The following MMP26 variants were observed in gnomAD, a reference collection of about 807,000 sequenced individuals.
The protein encoded by MMP26 is matrix metalloproteinase-26.
Under a neutral mutation model 31.0 loss-of-function variants are expected in MMP26, and 33 were observed. The ratio of observed to expected loss-of-function variants is 1.06; its 90% CI spans 0.81 to 1.42. The LOEUF is 1.42. MMP26 is among the 40% of genes most tolerant of loss of function. The pLI is 0.00. For synonymous variants in MMP26, 122 were observed against 114.9 expected (o/e 1.06, Z -0.40); for missense variants, 347 against 316.1 (o/e 1.10, Z -0.74).
At chr11:4,826,911 A>T (rs71480730) in intron 2 of MMP26, among the ~76,000 whole-genome samples, 15,950 of 152,154 alleles carry the variant, frequency 0.1, 1,023 homozygotes, top group Middle Eastern at 0.17. Context: ...AGAAACAGTT[A>T]ATCCATTGGA....
intron 2 of MMP26, among the ~76,000 whole-genome samples, chr11:4,935,535 G>C (rs1413926830): frequency 5.9e-5 from 9 of 151,618 alleles, no homozygotes; most frequent in Non-Finnish European, 8.8e-5. Context: ...GGGACAATTT[G>C]ACTTCCTCTT....
intron 2 of MMP26, among the ~76,000 whole-genome samples, chr11:4,916,360 C>A: frequency 6.6e-6 from 1 of 151,096 alleles, no homozygotes; most frequent in Non-Finnish European, 1.5e-5. Context: ...CCTCTTGGCC[C>A]TATTTAACTT....
chr11:4,786,493 CTTTTTTTTTTTTTTTT>C (rs66987352), intron 2 of MMP26, among the ~76,000 whole-genome samples: 3 of 60,352 alleles, frequency 5.0e-5, no homozygotes, highest in African/African-American at 6.8e-5. Context: ...TCTGCTGATC[CTTTTTTTTTTTTTTTT>C]TTTTTTTTTT....
rs138835542 is a variant in MMP26, at chr11:4,881,769, CT to C, written c.-144-106296del. 1.4e-4 allele frequency: 118 copies of C among 860,154 alleles called. No individual in the cohort carries two copies. The East Asian group carries it at 3.0e-3, about 22-fold the overall frequency. The allele number at this position is 860,154 out of a possible 1,614,324, so 53.3% of individuals were successfully genotyped here. The stretch of plus-strand genomic sequence containing the variant: ...TAACCTTCCTGGGTCCATTTCCTTT[CT>C]TTAAAACAGAAGAAAAATAACTACC... On this transcript the variant is annotated intron_variant, in intron 2 of 7. Coordinates refer to ENST00000380390, the MANE Select transcript of MMP26 (RefSeq NM_021801.5).
At chr11:4,849,272 G>C in intron 2 of MMP26, 1 of 1,523,566 alleles carries the variant, frequency 6.6e-7, no homozygotes, top group Non-Finnish European at 8.8e-7. Flanking sequence ...ACTTAATCGC[G>C]TGCCAAATTT....
At chr11:4,840,995 T>A (rs1849785891) in intron 2 of MMP26, among the ~76,000 whole-genome samples, 1 of 152,148 alleles carries the variant, frequency 6.6e-6, no homozygotes, top group Admixed American at 6.5e-5. Context: ...GCAGAAATTC[T>A]GGGGCTGAAA....
chr11:4,987,996 G>C (rs1846930907), intron 2 of MMP26, 72 bp from the exon 3 acceptor site: 1 of 598,910 alleles, frequency 1.7e-6, no homozygotes, highest in Non-Finnish European at 3.0e-6. Flanking sequence ...CATCAGGTGT[G>C]AACTGAGCTT....
At chr11:4,714,913 C>T (rs1280946664) in intron 1 of MMP26, among the ~76,000 whole-genome samples, 1 of 133,466 alleles carries the variant, frequency 7.5e-6, no homozygotes, top group African/African-American at 3.1e-5. Context: ...CTCTCTCTCT[C>T]TCTCTCTCAC....
intron 2 of MMP26, among the ~76,000 whole-genome samples, chr11:4,983,056 A>T (rs1365503838): frequency 6.6e-6 from 1 of 152,204 alleles, no homozygotes; most frequent in Non-Finnish European, 1.5e-5. Flanking sequence ...ACGGTAAACT[A>T]ACTTAAAGCA....
chr11:4,882,587 A>G (rs568723296), intron 2 of MMP26: 1 of 1,613,894 alleles, frequency 6.2e-7, no homozygotes, highest in African/African-American at 1.3e-5. Flanking sequence ...TGTTCTGGGC[A>G]TTGTGGCCCG....
At chr11:4,960,372 AG>A (rs151213801) in intron 2 of MMP26, among the ~76,000 whole-genome samples, 1,612 of 151,986 alleles carry the variant, frequency 0.011, 26 homozygotes, top group African/African-American at 0.034. Flanking sequence ...GTCTTAAGAA[AG>A]GTCATGATGC....
At chr11:4,820,569 T>G (rs1849481442) in intron 2 of MMP26, among the ~76,000 whole-genome samples, 1 of 151,810 alleles carries the variant, frequency 6.6e-6, no homozygotes, top group Admixed American at 6.6e-5. Context: ...CTCTTGCACT[T>G]TCCTCCTCTT....
chr11:4,707,277 A>T (rs1847792829), intron 1 of MMP26, among the ~76,000 whole-genome samples: 1 of 152,150 alleles, frequency 6.6e-6, no homozygotes, highest in Non-Finnish European at 1.5e-5. Context: ...CATTTATGTG[A>T]TTAGTAATGT....
chr11:4,882,922 A>G, intron 2 of MMP26: 2 of 1,539,386 alleles, frequency 1.3e-6, no homozygotes, highest in Non-Finnish European at 1.8e-6. Context: ...TGCTTTGGAA[A>G]GAAAGGGACT....
At chr11:4,723,726 C>A in intron 1 of MMP26, 2 of 1,163,440 alleles carry the variant, frequency 1.7e-6, no homozygotes, top group South Asian at 2.4e-5. Flanking sequence ...TGTCCAGTTG[C>A]CGCCTAAGGT....
At chr11:4,875,004 A>T (rs939366654) in intron 2 of MMP26, among the ~76,000 whole-genome samples, 1 of 152,116 alleles carries the variant, frequency 6.6e-6, no homozygotes, top group Non-Finnish European at 1.5e-5. Context: ...CAGGAAAAAA[A>T]GTCAAGATGA....
At chr11:4,914,862 G>T (rs201238790) in intron 2 of MMP26, 18 of 1,613,980 alleles carry the variant, frequency 1.1e-5, no homozygotes, top group East Asian at 4.5e-5. Flanking sequence ...TTTCCAAAGC[G>T]ATGGATGACA....
intron 2 of MMP26, among the ~76,000 whole-genome samples, chr11:4,788,350 A>T (rs1848976997): frequency 6.6e-6 from 1 of 151,874 alleles, no homozygotes. Flanking sequence ...GTGACATGAG[A>T]ACCGTAGATT....
chr11:4,907,638 T>A (rs764752786), intron 2 of MMP26: 2 of 1,614,054 alleles, frequency 1.2e-6, no homozygotes, highest in South Asian at 2.2e-5. Context: ...TTCAATGCCA[T>A]GGGAATTTCA....
Sources: allele counts gnomAD v4.1 joint callset (sites outside exome capture counted in the v4.1 genomes callset), GRCh38; gene constraint gnomAD v4.1.1; transcripts MANE v1.5; gene names NCBI Gene and HGNC (gene_info 2026-07-23, HGNC 2026-07-21).